PLEKHA6: variants seen among roughly 807,000 people sequenced by gnomAD.
The protein encoded by PLEKHA6 is pleckstrin homology domain containing A6, also known as pleckstrin homology domain-containing family A member 6.
Under a neutral mutation model 116.7 loss-of-function variants are expected in PLEKHA6, and 60 were observed. The ratio of observed to expected loss-of-function variants is 0.51; its 90% CI spans 0.42 to 0.64. The LOEUF (loss-of-function observed/expected upper bound fraction) is 0.64, where lower values mean the gene tolerates loss of function less well. Among genes scored for constraint, PLEKHA6 ranks in the 30% least tolerant of loss-of-function variants. PLEKHA6 has a pLI of 0.00. For synonymous variants in PLEKHA6, 489 were observed against 556.1 expected (o/e 0.88, Z 1.70); for missense variants, 1,338 against 1,422.7 (o/e 0.94, Z 0.96).
At chr1:204,244,744 TC>T in intron 15 of PLEKHA6, 119 bp downstream of exon 15, 1 of 706,716 alleles carries the variant, frequency 1.4e-6, no homozygotes, top group South Asian at 2.7e-5. Context: ...AACAAAGAGC[TC>T]CAGCACTAGG....
Position 204,266,587 on chromosome 1 carries a change from G to A in PLEKHA6, c.280+888C>T, listed in dbSNP as rs537498444. ...GACTCTGTATGCTCAGCCCCTTCCT[G>A]ATTTCCCTCCTTGGGGTTCAGGTGG... On this transcript the variant is annotated intron_variant, in intron 5 of 22. Coordinates refer to ENST00000272203, the MANE Select transcript of PLEKHA6 (RefSeq NM_014935.5). Among the ~76,000 whole-genome samples the A allele has an allele frequency of 9.2e-5, 14 of 152,294 alleles. No homozygotes were observed. In the South Asian group the frequency reaches 1.2e-3, roughly 14 times the overall value.
chr1:204,376,760 C>T lies in PLEKHA6; in HGVS notation c.83+823G>A, dbSNP rs554100256. Among the ~76,000 whole-genome samples, 5 of 152,240 alleles carry T rather than the reference C, an allele frequency of 3.3e-5. No homozygotes were observed. In the East Asian group the frequency reaches 7.7e-4, roughly 23 times the overall value. ...TTGTTTCTAAGATTCCTTGTAGCTC[C>T]GATGTTTTTAAGTGGCTATCTTGAG... On this transcript the variant is annotated intron_variant, in intron 1 of 4. Coordinates refer to the PLEKHA6 transcript ENST00000564627.
chr1:204,296,455 C>G (rs1558153774), intron 1 of PLEKHA6, among the ~76,000 whole-genome samples: 1 of 152,184 alleles, frequency 6.6e-6, no homozygotes, highest in Non-Finnish European at 1.5e-5. Flanking sequence ...ATGCCCTGCA[C>G]CATCATCACT....
chr1:204,346,862 C>G, intron 1 of PLEKHA6: 1 of 1,339,132 alleles, frequency 7.5e-7, no homozygotes, highest in Non-Finnish European at 1.1e-6. Context: ...CTGGGTGGAG[C>G]AGGCTGGCGC....
intron 3 of PLEKHA6, among the ~76,000 whole-genome samples, chr1:204,273,361 T>A (rs1667674311): frequency 1.3e-5 from 2 of 152,166 alleles, no homozygotes; most frequent in Admixed American, 1.3e-4. Flanking sequence ...CAGGACAGTC[T>A]CATAGCACGA....
chr1:204,346,711 T>G (rs34421009), intron 1 of PLEKHA6: 159,590 of 750,596 alleles, frequency 0.21, 18,210 homozygotes, highest in Non-Finnish European at 0.25. Context: ...CCCAGGGATG[T>G]TCCTTGCTGA....
intron 9 of PLEKHA6, among the ~76,000 whole-genome samples, chr1:204,253,439 G>A (rs917116780): frequency 7.9e-5 from 12 of 152,112 alleles, no homozygotes; most frequent in Non-Finnish European, 1.5e-4. Flanking sequence ...TACTACCTAC[G>A]TGAACCCTGG....
rs1336864942 is a variant in PLEKHA6 at position 204,219,884 on chromosome 1, C to T, written c.*2904G>A. The T allele has an allele frequency of 6.6e-6, 1 of 152,200 alleles. No individual in the cohort carries two copies. The highest frequency in any genetic ancestry group is 1.5e-5 in the Non-Finnish European group (1 of 68,068). The allele number at this position is 152,200 out of a possible 1,614,324, so 9.4% of individuals were successfully genotyped here. A position where few individuals can be genotyped will look rare whatever the true frequency, so the allele number is the denominator to read the frequency against. On this transcript the variant is annotated 3_prime_UTR_variant, in exon 23 of 23. Transcript: ENST00000272203. ...GATGCCACCTTGTCTGTAGGACCCT[C>T]CTTGGCCCAGAGGCTGATTTCACAG...
chr1:204,252,976 G>A (rs758426598), intron 9 of PLEKHA6, among the ~76,000 whole-genome samples: 17 of 152,316 alleles, frequency 1.1e-4, no homozygotes, highest in South Asian at 2.1e-4. Flanking sequence ...CCTGTGCTGC[G>A]GCTTTGGGGA....
rs898564426 is a variant in PLEKHA6 at position 204,261,946 on chromosome 1, A to G, written c.382-498T>C. ...ATGCAAAGCAGGCACTGGCATACAG[A>G]TGGGGCACACTACCTAGTTGGTGGC... On this transcript the variant is annotated intron_variant, in intron 6 of 22. Transcript: ENST00000272203. The surrounding 1 kb of genome is among the most constrained non-coding windows in gnomAD (Gnocchi z 4.0). The G allele has an allele frequency of 5.8e-6, 1 of 173,264 alleles. No individual in the cohort carries two copies. The highest frequency in any genetic ancestry group is 2.4e-5 in the African/African-American group (1 of 42,238). The allele number at this position is 173,264 out of a possible 1,614,324, so 10.7% of individuals were successfully genotyped here.
At chr1:204,226,850 C>T (rs879920664) in intron 21 of PLEKHA6, among the ~76,000 whole-genome samples, 2 of 152,210 alleles carry the variant, frequency 1.3e-5, no homozygotes, top group African/African-American at 4.8e-5. Flanking sequence ...TCTATTTCTA[C>T]TTCATCTATT....
At chr1:204,236,827 C>A (rs1662122698) in intron 17 of PLEKHA6, among the ~76,000 whole-genome samples, 1 of 152,194 alleles carries the variant, frequency 6.6e-6, no homozygotes, top group African/African-American at 2.4e-5. Flanking sequence ...ATTATAAAAA[C>A]AGAGAATCAC....
In PLEKHA6 at chr1:204,233,320, T is replaced by C. The variant is rs1661474614; in HGVS notation, c.2410-2734A>G. On this transcript the variant is annotated intron_variant, in intron 17 of 22. Coordinates refer to ENST00000272203, the MANE Select transcript of PLEKHA6 (RefSeq NM_014935.5). Reference sequence around the variant, plus strand: ...CTCCTGGAGGAGGCTAGGATATAGGTATGCACCACCACACCTGGCTAATTT... The same window carrying C: ...CTCCTGGAGGAGGCTAGGATATAGGCATGCACCACCACACCTGGCTAATTT... Among the ~76,000 whole-genome samples, 3 of 149,910 alleles carry C rather than the reference T, an allele frequency of 2.0e-5. No homozygotes were observed. The South Asian group carries it at 6.4e-4, about 32-fold the overall frequency.
At chr1:204,350,484 G>A (rs1001566156) in intron 1 of PLEKHA6, among the ~76,000 whole-genome samples, 16 of 152,050 alleles carry the variant, frequency 1.1e-4, no homozygotes, top group African/African-American at 2.2e-4. Context: ...CATCCCCTCC[G>A]CAGGGCTGGG....
intron 1 of PLEKHA6, among the ~76,000 whole-genome samples, chr1:204,345,908 C>A (rs1475738048): frequency 6.6e-6 from 1 of 152,218 alleles, no homozygotes; most frequent in Non-Finnish European, 1.5e-5. Flanking sequence ...TGAACACACA[C>A]AAGAAAAGTG....
At chr1:204,235,165 G>T (rs1052835873) in intron 17 of PLEKHA6, among the ~76,000 whole-genome samples, 5 of 151,400 alleles carry the variant, frequency 3.3e-5, no homozygotes, top group Non-Finnish European at 7.4e-5. Context: ...GGTTTCTGGA[G>T]TTGGCTGCTT....
intron 17 of PLEKHA6, among the ~76,000 whole-genome samples, chr1:204,231,071 G>C (rs183282291): frequency 1.3e-5 from 2 of 152,216 alleles, no homozygotes; most frequent in Non-Finnish European, 2.9e-5. Context: ...GCCACCCTGT[G>C]TGTGGTGATT....
chr1:204,311,845 T>A, intron 1 of PLEKHA6: 1 of 179,696 alleles, frequency 5.6e-6, no homozygotes, highest in Non-Finnish European at 1.1e-5. Context: ...CTAAAATCCT[T>A]AAACTCAGAA....
upstream of PLEKHA6, among the ~76,000 whole-genome samples, chr1:204,360,370 C>A (rs1673531139): frequency 6.9e-6 from 1 of 145,824 alleles, no homozygotes; most frequent in Non-Finnish European, 1.5e-5. Flanking sequence ...GCCCTGGGGC[C>A]TCCCCATCCC....
Sources: gnomAD v4.1 joint callset for allele counts (sites outside exome capture counted in the v4.1 genomes callset) on GRCh38, gnomAD v4.1.1 for gene constraint, Gnocchi (gnomAD v3.1) non-coding constraint, MANE v1.5 for transcripts, NCBI Gene and HGNC (gene_info 2026-07-23, HGNC 2026-07-21) for gene names.